Variants in CHRNA1 observed in about 807,000 individuals in gnomAD.
The protein encoded by CHRNA1 is cholinergic receptor nicotinic alpha 1 subunit.
Under a neutral mutation model 47.1 loss-of-function variants are expected in CHRNA1, and 35 were observed. That is an observed-to-expected ratio of 0.74 (90% confidence interval 0.57 to 0.99). The LOEUF is 0.99. CHRNA1 is among the 50% of genes least tolerant of loss of function. The pLI, the probability that CHRNA1 is intolerant of heterozygous loss-of-function variation, is 0.00. For synonymous variants in CHRNA1, 229 were observed against 223.6 expected (o/e 1.02, Z -0.22); for missense variants, 506 against 591.1 (o/e 0.86, Z 1.49).
At chr2:174,752,519 G>A (rs1338251271) in intron 6 of CHRNA1, among the ~76,000 whole-genome samples, 2 of 152,044 alleles carry the variant, frequency 1.3e-5, no homozygotes, top group South Asian at 2.1e-4. Flanking sequence ...GCAGTGAGCC[G>A]TGATCATGCC....
intron 7 of CHRNA1, 25 bp from the exon 8 acceptor site, chr2:174,748,844 A>C: frequency 1.2e-6 from 2 of 1,612,292 alleles, no homozygotes; most frequent in Non-Finnish European, 1.7e-6. Context: ...AAATCCATGC[A>C]TGAGAATTAT....
chr2:174,750,883 A>G (rs1683834621), intron 6 of CHRNA1, among the ~76,000 whole-genome samples: 2 of 152,210 alleles, frequency 1.3e-5, no homozygotes, highest in Admixed American at 1.3e-4. Flanking sequence ...CTTCTGCAGC[A>G]GGATGCATTA....
chr2:174,754,137 C>G, intron 5 of CHRNA1, 82 bp downstream of exon 5: 2 of 1,269,642 alleles, frequency 1.6e-6, no homozygotes, highest in Non-Finnish European at 2.3e-6. Flanking sequence ...GTACTGAGAG[C>G]CTATGATTGT....
intron 3 of CHRNA1, among the ~76,000 whole-genome samples, chr2:174,758,923 T>C (rs1684036321): frequency 6.6e-6 from 1 of 152,082 alleles, no homozygotes; most frequent in East Asian, 1.9e-4. Context: ...ATCATATGTA[T>C]ATGTATCACA....
intron 6 of CHRNA1, chr2:174,753,143 G>A (rs544522895): frequency 5.9e-5 from 31 of 525,312 alleles, no homozygotes; most frequent in East Asian, 1.7e-4. Flanking sequence ...TGACTTCATC[G>A]TGGAAGTGGC....
chr2:174,749,101 A>G (rs1390868771), intron 7 of CHRNA1, among the ~76,000 whole-genome samples: 1 of 152,222 alleles, frequency 6.6e-6, no homozygotes, highest in East Asian at 1.9e-4. Flanking sequence ...GCCACCAATG[A>G]GCTTAAAAGC....
rs1427634898 is a variant in CHRNA1, at chr2:174,764,396, G to C, written c.-2C>G. The C allele has an allele frequency of 6.2e-7, 1 of 1,612,622 alleles. No homozygotes were observed. Among genetic ancestry groups the C allele is most frequent in the East Asian group, 2.2e-5 (1 of 44,846 alleles). On this transcript the variant is annotated 5_prime_UTR_variant, in exon 1 of 9. Coordinates refer to ENST00000348749, the MANE Select transcript of CHRNA1 (RefSeq NM_000079.4). ...CAGGAGGAGAGGCCAGGGCTCCATG[G>C]GCTACCGGAGCTTGTGTGGACCAGG...
intron 4 of CHRNA1, among the ~76,000 whole-genome samples, chr2:174,755,640 G>C (rs1156756852): frequency 6.6e-6 from 1 of 152,044 alleles, no homozygotes; most frequent in Non-Finnish European, 1.5e-5. Context: ...GGATGGTCTT[G>C]ATCTCCTGAC....
chr2:174,753,772 G>A (rs1287654827), intron 5 of CHRNA1, 32 bp from the exon 6 acceptor site: 3 of 1,608,148 alleles, frequency 1.9e-6, no homozygotes, highest in Non-Finnish European at 2.6e-6. Flanking sequence ...GGAAATCCCA[G>A]GCAGGTCACC....
intron 1 of CHRNA1, among the ~76,000 whole-genome samples, chr2:174,761,804 A>C (rs1292639022): frequency 6.6e-6 from 1 of 152,178 alleles, no homozygotes; most frequent in Middle Eastern, 3.2e-3. Context: ...TCTGTCCTCT[A>C]TGCATTTTCT....
At chr2:174,753,782 C>G (rs200373172) in intron 5 of CHRNA1, 42 bp from the exon 6 acceptor site, 2 of 1,589,504 alleles carry the variant, frequency 1.3e-6, no homozygotes, top group Middle Eastern at 1.7e-4. Context: ...GGCAGGTCAC[C>G]CTGATGAGGG....
chr2:174,750,029 C>T lies in CHRNA1; in HGVS notation c.919G>A (p.Ala307Thr), dbSNP rs550013897. 1.4e-5 allele frequency: 23 copies of T among 1,614,100 alleles called. No homozygotes were observed. The Admixed American group carries it at 2.3e-4, about 16-fold the overall frequency. Reference sequence around the variant, plus strand: ...ACGATGACAGTGATGATGATGGAGGCAATGACGAACACCATGGTGAACAGC... The same window carrying T: ...ACGATGACAGTGATGATGATGGAGGTAATGACGAACACCATGGTGAACAGC... ...YMLFTMVFVI[A>T]SIIITVIVIN... The change falls in exon 7 of 9, where the codon GCC becomes ACC. Residue 307 changes from alanine (A) to threonine (T), a missense_variant. By Grantham distance (58) the Ala-to-Thr change is moderately conservative (BLOSUM62 0). Transcript: ENST00000348749.
At chr2:174,757,319 A>ATT (rs199620699) in intron 4 of CHRNA1, among the ~76,000 whole-genome samples, 6 of 148,438 alleles carry the variant, frequency 4.0e-5, no homozygotes, top group Non-Finnish European at 7.5e-5. Flanking sequence ...GTTTAGAGTG[A>ATT]TTTTTTTTTT....
At chr2:174,757,271 C>T (rs974313154) in intron 4 of CHRNA1, among the ~76,000 whole-genome samples, 1 of 152,094 alleles carries the variant, frequency 6.6e-6, no homozygotes, top group African/African-American at 2.4e-5. Flanking sequence ...AGTCATGAGA[C>T]ACCATATGGC....
At chr2:174,762,582 T>G (rs1468560295) in intron 1 of CHRNA1, among the ~76,000 whole-genome samples, 47 of 152,242 alleles carry the variant, frequency 3.1e-4, no homozygotes, top group Non-Finnish European at 1.5e-5. Flanking sequence ...ATTTGTCATT[T>G]ACGTAAATAA....
chr2:174,754,458 G>GA, intron 4 of CHRNA1, 44 bp from the exon 5 acceptor site: 1 of 1,559,516 alleles, frequency 6.4e-7, no homozygotes, highest in Non-Finnish European at 8.8e-7. Context: ...AGTGACAGAT[G>GA]AGCCTTCCAT....
At chr2:174,756,478 G>A (rs184205936) in intron 4 of CHRNA1, among the ~76,000 whole-genome samples, 1 of 152,316 alleles carries the variant, frequency 6.6e-6, no homozygotes, top group Admixed American at 6.5e-5. Flanking sequence ...AGGGCAGAGA[G>A]TCATAGGGTT....
chr2:174,758,237 C>T (rs1212058164), intron 3 of CHRNA1, among the ~76,000 whole-genome samples: 2 of 152,078 alleles, frequency 1.3e-5, no homozygotes, highest in African/African-American at 2.4e-5. Flanking sequence ...AGTGAAACCT[C>T]GTCTCTATTA....
chr2:174,748,467 G>A, intron 8 of CHRNA1, 113 bp downstream of exon 8: 1 of 1,460,232 alleles, frequency 6.8e-7, no homozygotes. Context: ...GTTCATCTTA[G>A]GTCAGTAGCT....
Sources: gnomAD v4.1 joint callset for allele counts (sites outside exome capture counted in the v4.1 genomes callset) on GRCh38, gnomAD v4.1.1 for gene constraint, MANE v1.5 for transcripts, NCBI Gene and HGNC (gene_info 2026-07-23, HGNC 2026-07-21) for gene names.